The following AFAP1L2 variants were observed in gnomAD, a reference collection of about 807,000 sequenced individuals.
AFAP1L2 encodes actin filament-associated protein 1-like 2.
A neutral mutation model predicts 99.3 loss-of-function variants in AFAP1L2; 46 were observed. That is an observed-to-expected ratio of 0.46 (90% CI 0.37 to 0.59). AFAP1L2 has a LOEUF of 0.59. Ranked by LOEUF, AFAP1L2 falls within the 20% of genes least tolerant of loss-of-function variation. AFAP1L2 has a pLI of 0.00. For synonymous variants in AFAP1L2, 397 were observed against 419.1 expected (o/e 0.95, Z 0.64); for missense variants, 959 against 1,034.9 (o/e 0.93, Z 1.01).
rs548397611 is a variant in AFAP1L2 at position 114,311,783 on chromosome 10, C to T, written c.793-1340G>A. On this transcript the variant is annotated intron_variant, in intron 7 of 18. Coordinates refer to ENST00000304129, the MANE Select transcript of AFAP1L2 (RefSeq NM_001001936.3). ...TTGTGCCTTCCTTTACTGGGACCGTCGTCCCATAGTCAGCATCTCCCGTTT... is the reference window on the plus strand; with the variant it reads ...TTGTGCCTTCCTTTACTGGGACCGTTGTCCCATAGTCAGCATCTCCCGTTT... Among the ~76,000 whole-genome samples the T allele has an allele frequency of 6.6e-5, 10 of 152,304 alleles. No homozygotes were observed. The South Asian group carries it at 1.4e-3, about 22-fold the overall frequency.
intron 4 of AFAP1L2, among the ~76,000 whole-genome samples, chr10:114,330,090 C>T (rs1182911605): frequency 2.0e-5 from 3 of 152,150 alleles, no homozygotes; most frequent in African/African-American, 7.2e-5. Flanking sequence ...GAGGAGTCTC[C>T]ACCAGCTGTC....
intron 2 of AFAP1L2, among the ~76,000 whole-genome samples, chr10:114,337,878 G>A (rs2048217545): frequency 6.6e-6 from 1 of 152,116 alleles, no homozygotes; most frequent in Admixed American, 6.5e-5. Flanking sequence ...ATCCTTCATG[G>A]AGTGAATCAT....
the AFAP1L2 span, chr10:114,286,554 G>A: frequency 4.0e-5 from 60 of 1,488,056 alleles, no homozygotes; most frequent in Non-Finnish European, 4.8e-5. Flanking sequence ...GTCAGTGGGC[G>A]GGTCCTTCCT....
intron 1 of AFAP1L2, among the ~76,000 whole-genome samples, chr10:114,370,257 A>G (rs2053914288): frequency 6.6e-6 from 1 of 152,232 alleles, no homozygotes; most frequent in South Asian, 2.1e-4. Context: ...CACACACCAG[A>G]GGCTGCTGGT....
intron 1 of AFAP1L2, among the ~76,000 whole-genome samples, chr10:114,354,187 AG>A (rs2050964529): frequency 6.6e-6 from 1 of 152,202 alleles, no homozygotes; most frequent in African/African-American, 2.4e-5. Context: ...CCACAAGAAA[AG>A]GGTCTGCCTA....
rs142727007 is a variant in AFAP1L2 at position 114,339,545 on chromosome 10, C to T, written c.145+1058G>A. ...GCTCGGGCCCAACTCGGGTCAGTCC[C>T]GCACCATTGTTATGGGGTGAAGTGT... On this transcript the variant is annotated intron_variant, in intron 2 of 18. Coordinates refer to ENST00000304129, the MANE Select transcript of AFAP1L2 (RefSeq NM_001001936.3). Among the ~76,000 whole-genome samples the T allele has an allele frequency of 3.5e-4, 54 of 152,332 alleles. 1 individual carries two copies. The East Asian group carries it at 8.7e-3, about 24-fold the overall frequency.
intron 1 of AFAP1L2, among the ~76,000 whole-genome samples, chr10:114,368,522 C>T (rs1488136386): frequency 1.3e-5 from 2 of 152,106 alleles, no homozygotes; most frequent in Non-Finnish European, 2.9e-5. Flanking sequence ...CAGGCTTAAT[C>T]AATCTCCTGC....
chr10:114,321,421 C>T (rs1471631098), intron 5 of AFAP1L2, among the ~76,000 whole-genome samples: 1 of 152,050 alleles, frequency 6.6e-6, no homozygotes, highest in East Asian at 1.9e-4. Context: ...CAAGTTTCTG[C>T]AAAAAACATT....
chr10:114,369,181 G>A (rs986173240), intron 1 of AFAP1L2, among the ~76,000 whole-genome samples: 2 of 152,106 alleles, frequency 1.3e-5, no homozygotes, highest in African/African-American at 2.4e-5. Context: ...TATTGGCTGG[G>A]TGTAGTAACT....
chr10:114,335,310 T>A (rs10736231), intron 2 of AFAP1L2, among the ~76,000 whole-genome samples: 96,820 of 151,848 alleles, frequency 0.64, 32,988 homozygotes, highest in East Asian at 0.9. Flanking sequence ...TTTTTTTTTT[T>A]AAAAAAAGAA....
At chr10:114,290,714 A>G (rs2039504294), downstream of AFAP1L2, among the ~76,000 whole-genome samples, 1 of 141,106 alleles carries the variant, frequency 7.1e-6, no homozygotes, top group Admixed American at 7.2e-5. Context: ...TTAGGAGCAC[A>G]GTAGATCCAG....
chr10:114,289,517 G>C, the AFAP1L2 span: 1 of 1,611,202 alleles, frequency 6.2e-7, no homozygotes, highest in Non-Finnish European at 8.5e-7. Flanking sequence ...CACCCTCAGG[G>C]CTGCCCCCAT....
At chr10:114,326,449 C>G (rs2046308186) in intron 4 of AFAP1L2, among the ~76,000 whole-genome samples, 1 of 152,172 alleles carries the variant, frequency 6.6e-6, no homozygotes, top group South Asian at 2.1e-4. Context: ...TTAAAAACTG[C>G]CTCTTCTTTT....
intron 7 of AFAP1L2, among the ~76,000 whole-genome samples, chr10:114,312,566 A>G: frequency 7.3e-6 from 1 of 137,752 alleles, no homozygotes; most frequent in East Asian, 2.0e-4. Flanking sequence ...AGCACTCAGT[A>G]TATACCAAGC....
chr10:114,368,813 CACAG>C (rs2053669455), intron 1 of AFAP1L2, among the ~76,000 whole-genome samples: 1 of 125,778 alleles, frequency 8.0e-6, no homozygotes. Context: ...CACACACACA[CACAG>C]AGTAACTAAA....
In AFAP1L2 at chr10:114,333,070, C is replaced by A; in HGVS notation, c.220+151G>T. On this transcript the variant is annotated intron_variant, in intron 3 of 18. Coordinates refer to ENST00000304129, the MANE Select transcript of AFAP1L2 (RefSeq NM_001001936.3). ...TCCTGAAATACATCAACCCAAAATACGACCAACAAAAATGTGGCTTCCAAA... is the reference window on the plus strand; with the variant it reads ...TCCTGAAATACATCAACCCAAAATAAGACCAACAAAAATGTGGCTTCCAAA... The A allele has an allele frequency of 5.9e-6, 4 of 683,054 alleles. No homozygotes were observed. In the East Asian group the frequency reaches 1.1e-4, roughly 18 times the overall value. 42.3% of individuals were successfully genotyped at this position (683,054 alleles called of 1,614,324 possible).
intron 1 of AFAP1L2, among the ~76,000 whole-genome samples, chr10:114,352,198 G>A (rs1163566059): frequency 6.6e-6 from 1 of 152,148 alleles, no homozygotes; most frequent in African/African-American, 2.4e-5. Context: ...TAGGCTGGGT[G>A]CAGTGGCTCA....
chr10:114,289,535 C>A, the AFAP1L2 span: 2 of 1,603,466 alleles, frequency 1.2e-6, no homozygotes, highest in Non-Finnish European at 1.7e-6. Flanking sequence ...CATGGCAGGC[C>A]CTCAGCCTGA....
At chr10:114,359,897 G>A (rs2051978799) in intron 1 of AFAP1L2, among the ~76,000 whole-genome samples, 1 of 151,538 alleles carries the variant, frequency 6.6e-6, no homozygotes, top group Non-Finnish European at 1.5e-5. Context: ...TTTAACTGGT[G>A]TCCTTCACCA....
Sources: allele counts gnomAD v4.1 joint callset (sites outside exome capture counted in the v4.1 genomes callset), GRCh38; gene constraint gnomAD v4.1.1; transcripts MANE v1.5; gene names NCBI Gene and HGNC (gene_info 2026-07-23, HGNC 2026-07-21).